The following PKM variants were observed in gnomAD, a reference collection of about 807,000 sequenced individuals.
PKM encodes the protein pyruvate kinase M1/2.
A neutral mutation model predicts 49.8 loss-of-function variants in PKM; 18 were observed. The ratio of observed to expected loss-of-function variants is 0.36; its 90% confidence interval spans 0.25 to 0.54. The LOEUF (loss-of-function observed/expected upper bound fraction) is 0.54, where lower values mean the gene tolerates loss of function less well. Ranked by LOEUF, PKM falls within the 20% of genes least tolerant of loss-of-function variation. The pLI is 0.89. For synonymous variants in PKM, 239 were observed against 261.8 expected (o/e 0.91, Z 0.84); for missense variants, 508 against 713.8 (o/e 0.71, Z 3.28).
chr15:72,208,992 A>G, intron 5 of PKM, 101 bp from the exon 6 acceptor site: 1 of 1,274,974 alleles, frequency 7.8e-7, no homozygotes, highest in Non-Finnish European at 1.1e-6. Context: ...GAAGTGGTGC[A>G]TTATGGGTGC....
intron 6 of PKM, 76 bp downstream of exon 6, chr15:72,208,545 A>G (rs1596741713): frequency 6.7e-7 from 1 of 1,494,854 alleles, no homozygotes. Context: ...AGGGGCTGGG[A>G]ATCAGACATT....
Position 72,209,664 on chromosome 15 carries a change from C to T in PKM, c.565+9G>A, listed in dbSNP as rs185046090. The T allele has an allele frequency of 6.2e-6, 10 of 1,611,582 alleles. No homozygotes were observed. In the East Asian group the frequency reaches 1.8e-4, roughly 29 times the overall value. ...TTTTAGACAACTGGACTCCAGCTCC[C>T]ATACGTACCTTTCTGCTTCACCTGG... On this transcript the variant is annotated intron_variant, in intron 5 of 10. Transcript: ENST00000335181.
In PKM at chr15:72,207,138, AGAT is replaced by A; in HGVS notation, c.973_975del (p.Ile325del). Reference sequence around the variant, plus strand: ...GGGTGGGCACATGCCTGAGTAGCACAGATGACAGGCTTCCCAGCTCGGTTGCAC... The same window carrying A: ...GGGTGGGCACATGCCTGAGTAGCACAGACAGGCTTCCCAGCTCGGTTGCAC... On this transcript the variant is annotated inframe_deletion, in exon 7 of 11. Transcript: ENST00000335181. 6.2e-7 allele frequency: 1 copy of A among 1,613,792 alleles called. No individual in the cohort carries two copies.
At chr15:72,216,208 T>C (rs8028169) in intron 3 of PKM, among the ~76,000 whole-genome samples, 3,673 of 152,338 alleles carry the variant, frequency 0.024, 144 homozygotes, top group African/African-American at 0.085. Flanking sequence ...TAGCATTTTC[T>C]TTACTCTCAA....
intron 8 of PKM, chr15:72,203,435 A>T (rs969490419): frequency 3.7e-6 from 2 of 538,274 alleles, no homozygotes; most frequent in Non-Finnish European, 6.7e-6. Context: ...GGATTTTTTC[A>T]TTGGGGGTGG....
At chr15:72,229,631 T>C in intron 1 of PKM, 1 of 1,262,586 alleles carries the variant, frequency 7.9e-7, no homozygotes, top group Non-Finnish European at 1.0e-6. Flanking sequence ...TGGTGAGACC[T>C]TACGAGGCTT....
chr15:72,223,207 G>C (rs1421002555), intron 1 of PKM, among the ~76,000 whole-genome samples: 1 of 151,956 alleles, frequency 6.6e-6, no homozygotes, highest in Non-Finnish European at 1.5e-5. Flanking sequence ...GGCCAGGACT[G>C]TTGTTGGGTT....
In PKM at chr15:72,217,578, G is replaced by T. The variant is rs1343667736; in HGVS notation, c.155-78C>A. The T allele has an allele frequency of 1.9e-5, 19 of 1,024,928 alleles. No homozygotes were observed. In the Admixed American group the frequency reaches 2.9e-4, roughly 16 times the overall value. The allele number at this position is 1,024,928 out of a possible 1,614,324, so 63.5% of individuals were successfully genotyped here. On this transcript the variant is annotated intron_variant, in intron 2 of 10. Coordinates refer to ENST00000335181, the MANE Select transcript of PKM (RefSeq NM_002654.6). ...ACATTTAAGTTTGCTTAAGTTTAAAGAATTTTTTTCCCTGAAAACTTTTCC... is the reference window on the plus strand; with the variant it reads ...ACATTTAAGTTTGCTTAAGTTTAAATAATTTTTTTCCCTGAAAACTTTTCC...
At chr15:72,226,255 C>T (rs1435215100) in intron 1 of PKM, among the ~76,000 whole-genome samples, 2 of 152,168 alleles carry the variant, frequency 1.3e-5, no homozygotes, top group African/African-American at 2.4e-5. Context: ...TGGCCAGGCG[C>T]GGTGGCTGAT....
intron 9 of PKM, chr15:72,201,223 T>C (rs1265303657): frequency 6.5e-6 from 1 of 152,762 alleles, no homozygotes; most frequent in Non-Finnish European, 1.5e-5. Flanking sequence ...CAGAATCAAA[T>C]CTGAGTATCT....
intron 1 of PKM, among the ~76,000 whole-genome samples, chr15:72,224,924 T>TTTTTC (rs1491021366): frequency 0.13 from 20 of 158 alleles, no homozygotes; most frequent in Non-Finnish European, 0.47. Flanking sequence ...TCTTTTTTCT[T>TTTTTC]TTTTTTTTTT....
rs922571094 is a variant in PKM at position 72,207,287 on chromosome 15, A to G, written c.837-10T>C. 5 of 1,613,722 alleles carry G rather than the reference A, an allele frequency of 3.1e-6. No homozygotes were observed. Among genetic ancestry groups the G allele is most frequent in the Non-Finnish European group, 4.2e-6 (5 of 1,179,696 alleles). On this transcript the variant is annotated splice_polypyrimidine_tract_variant and intron_variant, in intron 6 of 10. Transcript: ENST00000335181. The stretch of plus-strand genomic sequence containing the variant: ...CAGGATTTCATCAAACCTGATGGAC[A>G]AAGTTGGGGGGAGAGAGGTTATATA...
intron 1 of PKM, among the ~76,000 whole-genome samples, chr15:72,225,982 C>G (rs1007852157): frequency 2.6e-5 from 4 of 152,238 alleles, no homozygotes; most frequent in Non-Finnish European, 5.9e-5. Context: ...TTTTTCCACA[C>G]TTGGTACTGC....
chr15:72,200,551 G>A lies in PKM; in HGVS notation c.1412C>T (p.Pro471Leu). ...RQAHLYRGIFPVLCKDPVQEA... is the reference protein window; with the variant it reads ...RQAHLYRGIFLVLCKDPVQEA... ...CTGGACTGGGTCCTTGCACAGCACA[G>A]GGAAGATGCCACGGTACAGGTGGGC... is the stretch of plus-strand genomic sequence containing the variant. Residue 471 changes from proline (P) to leucine (L), a missense_variant, in exon 10 of 11, where the codon CCT (proline) becomes CTT (leucine). By Grantham distance (98) the Pro-to-Leu change is moderately conservative. Coordinates refer to ENST00000335181, the MANE Select transcript of PKM (RefSeq NM_002654.6). This position sits in a 1 kb window ranked among gnomAD's most constrained non-coding sequence, Gnocchi z 4.6. 6.2e-7 allele frequency: 1 copy of A among 1,614,000 alleles called. No homozygotes were observed. The highest frequency in any genetic ancestry group is 8.5e-7 in the Non-Finnish European group (1 of 1,179,922).
chr15:72,207,791 G>A (rs2082124845), intron 6 of PKM, among the ~76,000 whole-genome samples: 1 of 152,248 alleles, frequency 6.6e-6, no homozygotes, highest in South Asian at 2.1e-4. Context: ...GCTAGCCTAT[G>A]GCTTATCAGG....
At chr15:72,205,772 G>A (rs1447872425) in intron 8 of PKM, among the ~76,000 whole-genome samples, 1 of 152,036 alleles carries the variant, frequency 6.6e-6, no homozygotes, top group African/African-American at 2.4e-5. Context: ...ACCATATCTG[G>A]ATAAAGTTTA....
intron 1 of PKM, chr15:72,229,492 G>T: frequency 9.0e-7 from 1 of 1,113,768 alleles, no homozygotes; most frequent in Non-Finnish European, 1.2e-6. Flanking sequence ...TACCAGCAAA[G>T]GTCCAAGCCC....
At position 72,208,675 on chromosome 15, in the gene PKM, T is replaced by A; in HGVS notation, c.782A>T (p.Lys261Met). The A allele has an allele frequency of 6.2e-7, 1 of 1,614,140 alleles. No homozygotes were observed. Among genetic ancestry groups the A allele is most frequent in the Non-Finnish European group, 8.5e-7 (1 of 1,180,024 alleles). Residue 261 changes from lysine (K) to methionine (M), a missense_variant, in exon 6 of 11, where the codon AAG (lysine) becomes ATG (methionine). Lys to Met is a moderately conservative substitution (Grantham distance 95). Coordinates refer to ENST00000335181, the MANE Select transcript of PKM (RefSeq NM_002654.6). ...VHEVRKVLGE[K>M]GKNIKIISKI... ...GCTGATAATCTTGATGTTCTTTCCC[T>A]TCTCTCCCAGGACCTTCCTAACTTC...
intron 2 of PKM, among the ~76,000 whole-genome samples, chr15:72,218,268 G>A (rs1040463987): frequency 1.3e-5 from 2 of 151,718 alleles, no homozygotes; most frequent in African/African-American, 4.8e-5. Flanking sequence ...GGGATTATAG[G>A]TACCCGCCAC....
Sources: gnomAD v4.1 joint callset for allele counts (sites outside exome capture counted in the v4.1 genomes callset) on GRCh38, gnomAD v4.1.1 for gene constraint, Gnocchi (gnomAD v3.1) non-coding constraint, MANE v1.5 for transcripts, NCBI Gene and HGNC (gene_info 2026-07-23, HGNC 2026-07-21) for gene names.